Variants in COG3 observed in about 807,000 individuals in gnomAD.
COG3 encodes the protein conserved oligomeric Golgi complex subunit 3.
Under a neutral mutation model 114.1 loss-of-function variants are expected in COG3, and 32 were observed. The ratio of observed to expected loss-of-function variants is 0.28; its 90% CI spans 0.21 to 0.38. COG3 has a LOEUF of 0.38. Among genes scored for constraint, COG3 ranks in the 10% least tolerant of loss-of-function variants. COG3 has a pLI of 1.00. For synonymous variants in COG3, 352 were observed against 365.7 expected (o/e 0.96, Z 0.43); for missense variants, 813 against 973.2 (o/e 0.84, Z 2.19).
chr13:45,499,011 G>A (rs1869172404), intron 13 of COG3, among the ~76,000 whole-genome samples: 1 of 152,008 alleles, frequency 6.6e-6, no homozygotes, highest in African/African-American at 2.4e-5. Context: ...GTTCCTTAAG[G>A]GGAAAGAGGG....
intron 19 of COG3, among the ~76,000 whole-genome samples, 156 bp downstream of exon 19, chr13:45,519,250 G>A (rs1871852591): frequency 1.3e-5 from 2 of 152,210 alleles, no homozygotes; most frequent in South Asian, 2.1e-4. Context: ...TATTATGGAA[G>A]CTTTCTGGTT....
chr13:45,473,653 A>G (rs1885666517), intron 1 of COG3, among the ~76,000 whole-genome samples: 1 of 152,214 alleles, frequency 6.6e-6, no homozygotes, highest in Non-Finnish European at 1.5e-5. Flanking sequence ...ATCAGTACTC[A>G]AATTTATTGC....
rs1266499555 is a variant in COG3, at chr13:45,480,126, C to T, written c.385C>T (p.Gln129Ter). The change falls in exon 4 of 23, where the codon CAG (glutamine) becomes TAG (stop). Residue 129 changes from glutamine to a stop codon, truncating the protein, a stop_gained and splice_region_variant. Coordinates refer to ENST00000349995, the MANE Select transcript of COG3 (RefSeq NM_031431.4). LOFTEE classifies it high-confidence loss of function. ...MDQDEGTKYRQMRDYLSGFQE... is the reference protein window; with the variant it reads ...MDQDEGTKYR Reference sequence around the variant, plus strand: ...TCCCCTTTTGGTTCTGTTTTCTAGACAGATGAGGGATTACTTGTCTGGGTT... The same window carrying T: ...TCCCCTTTTGGTTCTGTTTTCTAGATAGATGAGGGATTACTTGTCTGGGTT... 1.2e-6 allele frequency: 2 copies of T among 1,606,880 alleles called. No homozygotes were observed. The highest frequency in any genetic ancestry group is 8.5e-7 in the Non-Finnish European group (1 of 1,175,694).
intron 20 of COG3, among the ~76,000 whole-genome samples, chr13:45,528,040 C>T (rs982653144): frequency 4.8e-4 from 73 of 152,216 alleles, no homozygotes; most frequent in African/African-American, 1.8e-3. Context: ...GTAATGTTTA[C>T]TAAACACACC....
chr13:45,490,865 G>GAAAT (rs1886976106), intron 8 of COG3, 50 bp from the exon 9 acceptor site: 1 of 1,013,582 alleles, frequency 9.9e-7, no homozygotes, highest in African/African-American at 1.6e-5. Context: ...AGAAAGTAAT[G>GAAAT]GATAATATAA....
chr13:45,502,962 T>G (rs1869705048), intron 13 of COG3, among the ~76,000 whole-genome samples: 1 of 152,220 alleles, frequency 6.6e-6, no homozygotes, highest in Non-Finnish European at 1.5e-5. Flanking sequence ...GTATACTGCA[T>G]GATATTCTTT....
rs1410852818 is a variant in COG3, at chr13:45,536,029, T to G, written c.*1298T>G. 5.1e-6 allele frequency: 1 copy of G among 196,978 alleles called. No homozygotes were observed. Among genetic ancestry groups the G allele is most frequent in the African/African-American group, 2.4e-5 (1 of 42,234 alleles). The allele number at this position is 196,978 out of a possible 1,614,324, so 12.2% of individuals were successfully genotyped here. A position where few individuals can be genotyped will look rare whatever the true frequency, so the allele number is the denominator to read the frequency against. On this transcript the variant is annotated 3_prime_UTR_variant, in exon 23 of 23. Transcript: ENST00000349995. ...ACTTCTGCAGGGTGCATACCCTGAT[T>G]GTTGTCATTTGTAACAGGTCACTTC...
At chr13:45,529,736 G>T in intron 20 of COG3, 55 bp from the exon 21 acceptor site, 2 of 1,381,380 alleles carry the variant, frequency 1.4e-6, no homozygotes, top group Non-Finnish European at 2.0e-6. Flanking sequence ...GAATTAAAAT[G>T]GAAATATTTC....
At chr13:45,497,821 A>AACAACAACAAC (rs1449099330) in intron 13 of COG3, among the ~76,000 whole-genome samples, 1 of 54,584 alleles carries the variant, frequency 1.8e-5, no homozygotes, top group South Asian at 6.5e-4. Context: ...ACAACAACAA[A>AACAACAACAAC]GTATGACCAC....
intron 5 of COG3, among the ~76,000 whole-genome samples, chr13:45,481,762 CTG>C (rs1468315477): frequency 2.0e-5 from 3 of 152,074 alleles, no homozygotes; most frequent in East Asian, 1.9e-4. Context: ...AATTATATTT[CTG>C]TGTTTCTGAC....
At chr13:45,521,662 C>T (rs756339482) in intron 19 of COG3, among the ~76,000 whole-genome samples, 1 of 152,048 alleles carries the variant, frequency 6.6e-6, no homozygotes, top group Non-Finnish European at 1.5e-5. Flanking sequence ...CACTTTTTAC[C>T]TAGTGACTGT....
At chr13:45,471,418 C>T (rs1885474822) in intron 1 of COG3, among the ~76,000 whole-genome samples, 1 of 151,942 alleles carries the variant, frequency 6.6e-6, no homozygotes, top group Admixed American at 6.6e-5. Flanking sequence ...GAACCTGTCT[C>T]AAAAAAACAC....
chr13:45,528,146 G>A (rs1001662146), intron 20 of COG3, among the ~76,000 whole-genome samples: 15 of 151,998 alleles, frequency 9.9e-5, no homozygotes, highest in African/African-American at 3.4e-4. Context: ...GCAAAATATA[G>A]TAATTAAAAA....
intron 15 of COG3, among the ~76,000 whole-genome samples, chr13:45,510,196 C>T (rs548635037): frequency 6.6e-6 from 1 of 152,306 alleles, no homozygotes; most frequent in African/African-American, 2.4e-5. Flanking sequence ...TATGCATTTA[C>T]CCTTACACCG....
chr13:45,468,874 A>G (rs892029541), intron 1 of COG3, among the ~76,000 whole-genome samples: 6 of 152,232 alleles, frequency 3.9e-5, no homozygotes, highest in African/African-American at 1.2e-4. Context: ...TGAGAAGTGA[A>G]TGAGAGGTCA....
At chr13:45,493,178 T>C (rs967621067) in intron 11 of COG3, among the ~76,000 whole-genome samples, 169 bp from the exon 12 acceptor site, 5 of 152,222 alleles carry the variant, frequency 3.3e-5, no homozygotes, top group Non-Finnish European at 5.9e-5. Context: ...AAACTGTTTA[T>C]AGAATTACTT....
chr13:45,507,397 AGTG>A (rs1870273856), intron 14 of COG3, among the ~76,000 whole-genome samples: 1 of 152,042 alleles, frequency 6.6e-6, no homozygotes, highest in Non-Finnish European at 1.5e-5. Context: ...GTTAAATAGG[AGTG>A]GTGAGAGAGA....
intron 2 of COG3, among the ~76,000 whole-genome samples, 173 bp downstream of exon 2, chr13:45,476,520 T>A (rs774939983): frequency 2.0e-5 from 3 of 152,238 alleles, no homozygotes; most frequent in Non-Finnish European, 4.4e-5. Context: ...TTTAAATGAA[T>A]CTATTGCCCA....
intron 16 of COG3, among the ~76,000 whole-genome samples, chr13:45,514,476 AG>A (rs1218437867): frequency 1.3e-5 from 2 of 151,522 alleles, no homozygotes; most frequent in African/African-American, 4.8e-5. Context: ...CTTTCTCTTA[AG>A]GGAGGCATGA....
Sources: gnomAD v4.1 joint callset for allele counts (sites outside exome capture counted in the v4.1 genomes callset) on GRCh38, gnomAD v4.1.1 for gene constraint, MANE v1.5 for transcripts, NCBI Gene and HGNC (gene_info 2026-07-23, HGNC 2026-07-21) for gene names.